LARP1: variants seen among roughly 807,000 people sequenced by gnomAD.
LARP1 encodes La ribonucleoprotein 1, translational regulator.
A neutral mutation model predicts 122.7 loss-of-function variants in LARP1; 36 were observed. That is an observed-to-expected ratio of 0.29 (90% CI 0.22 to 0.39). The LOEUF (loss-of-function observed/expected upper bound fraction) is 0.39, where lower values mean the gene tolerates loss of function less well. Among genes scored for constraint, LARP1 ranks in the 10% least tolerant of loss-of-function variants. The pLI is 1.00. For missense variants in LARP1, 1,040 were observed against 1,403.6 expected (o/e 0.74, Z 4.14); for synonymous variants, 539 against 528.7 (o/e 1.02, Z -0.27).
At chr5:154,756,624 A>C (rs1753939559) in intron 1 of LARP1, 1 of 509,488 alleles carries the variant, frequency 2.0e-6, no homozygotes, top group African/African-American at 2.1e-5. Flanking sequence ...CCCATGTTGT[A>C]AATGTTTAAT....
At chr5:154,689,440 A>C (rs1754088378) in intron 1 of LARP1, among the ~76,000 whole-genome samples, 2 of 151,152 alleles carry the variant, frequency 1.3e-5, no homozygotes, top group Non-Finnish European at 3.0e-5. Context: ...GACAGTGTGA[A>C]ACTCTGTCTC....
intron 8 of LARP1, among the ~76,000 whole-genome samples, chr5:154,798,768 A>G (rs938816552): frequency 2.3e-4 from 35 of 152,344 alleles, no homozygotes; most frequent in African/African-American, 7.7e-4. Context: ...TGTTGGGATT[A>G]CAGGTGTGAG....
intron 1 of LARP1, among the ~76,000 whole-genome samples, chr5:154,765,657 G>T (rs1238425218): frequency 1.3e-5 from 2 of 152,144 alleles, no homozygotes; most frequent in Non-Finnish European, 2.9e-5. Flanking sequence ...GTTTCCCAAA[G>T]TGCCAGGATT....
intron 2 of LARP1, 69 bp downstream of exon 2, chr5:154,790,455 A>G (rs1288720742): frequency 2.0e-6 from 3 of 1,463,922 alleles, no homozygotes; most frequent in Non-Finnish European, 2.9e-6. Context: ...GTTTTAGTGA[A>G]TGCTCCTGGA....
At chr5:154,792,005 G>A (rs1307098345) in intron 3 of LARP1, 1 of 455,650 alleles carries the variant, frequency 2.2e-6, no homozygotes, top group Admixed American at 2.3e-5. Flanking sequence ...AGTGGGGATT[G>A]GAAGTCAGGT....
At chr5:154,729,660 C>G in intron 1 of LARP1, 1 of 376,618 alleles carries the variant, frequency 2.7e-6, no homozygotes. Flanking sequence ...GGAGCCTGAG[C>G]TGCTGGAATC....
chr5:154,703,919 C>G (rs977221130), intron 1 of LARP1, among the ~76,000 whole-genome samples: 2 of 152,078 alleles, frequency 1.3e-5, no homozygotes, highest in African/African-American at 4.8e-5. Context: ...CCGCGCCCAG[C>G]CAAAATTTTT....
intron 1 of LARP1, among the ~76,000 whole-genome samples, chr5:154,739,953 C>A (rs1757130625): frequency 6.6e-6 from 1 of 151,738 alleles, no homozygotes; most frequent in Non-Finnish European, 1.5e-5. Context: ...AATCCCAGCA[C>A]TTCAGGAGGC....
At chr5:154,809,130 G>A (rs1192376630) in intron 16 of LARP1, among the ~76,000 whole-genome samples, 1 of 151,816 alleles carries the variant, frequency 6.6e-6, no homozygotes, top group East Asian at 1.9e-4. Flanking sequence ...CCTATTAGTG[G>A]ATACTTAGGT....
chr5:154,731,801 G>A (rs753278887), intron 1 of LARP1, among the ~76,000 whole-genome samples: 2 of 151,832 alleles, frequency 1.3e-5, no homozygotes, highest in Admixed American at 6.6e-5. Flanking sequence ...AGGCTGAGGC[G>A]GGCAGATCAC....
At chr5:154,762,443 G>A (rs1363747347) in intron 1 of LARP1, among the ~76,000 whole-genome samples, 3 of 152,174 alleles carry the variant, frequency 2.0e-5, no homozygotes, top group Non-Finnish European at 4.4e-5. Flanking sequence ...TAGTTACCAG[G>A]GGCAAGTGGC....
At chr5:154,717,874 TACACAC>T (rs140858107) in intron 1 of LARP1, among the ~76,000 whole-genome samples, 8 of 150,864 alleles carry the variant, frequency 5.3e-5, no homozygotes, top group African/African-American at 1.9e-4. Flanking sequence ...CTGACACATA[TACACAC>T]ACACACACAC....
chr5:154,757,531 C>T (rs1360315560), intron 1 of LARP1, among the ~76,000 whole-genome samples: 1 of 151,894 alleles, frequency 6.6e-6, no homozygotes, highest in Non-Finnish European at 1.5e-5. Flanking sequence ...GGCCTCTGGT[C>T]GTAGCCCTGG....
rs1417538632 is a variant in LARP1 at position 154,756,112 on chromosome 5, G to A, written c.355G>A (p.Ala119Thr). 1.6e-6 allele frequency: 2 copies of A among 1,219,550 alleles called. No homozygotes were observed. Among genetic ancestry groups the A allele is most frequent in the South Asian group, 1.5e-5 (1 of 68,868 alleles). The allele number at this position is 1,219,550 out of a possible 1,614,324, so 75.5% of individuals were successfully genotyped here. ...AGAGRRDFVE[A>T]PPPKVNPWTK... ...CGCGGGGCGCCGGGACTTCGTGGAA[G>A]CCCCCCCGCCCAAGGTGAACCCGTG... The change falls in exon 1 of 19, where the codon GCC (alanine) becomes ACC (threonine). Residue 119 changes from alanine to threonine, a missense_variant. Transcript: ENST00000518297.
intron 1 of LARP1, among the ~76,000 whole-genome samples, chr5:154,775,170 A>G (rs1251809256): frequency 1.3e-5 from 2 of 152,136 alleles, no homozygotes; most frequent in Admixed American, 6.5e-5. Context: ...TGGGTGTCCC[A>G]GCTAATTTAG....
intron 1 of LARP1, among the ~76,000 whole-genome samples, chr5:154,693,638 G>A (rs1482622624): frequency 1.3e-5 from 2 of 151,974 alleles, no homozygotes; most frequent in South Asian, 2.1e-4. Context: ...GGCGGATCAC[G>A]AGGTCAGGAG....
chr5:154,737,436 C>CTTTTTTTTTTTT (rs10526758), intron 1 of LARP1, among the ~76,000 whole-genome samples: 3 of 95,312 alleles, frequency 3.1e-5, no homozygotes, highest in African/African-American at 8.9e-5. Context: ...GAATTTTTCT[C>CTTTTTTTTTTTT]TTTTTTTTTT....
intron 8 of LARP1, among the ~76,000 whole-genome samples, chr5:154,799,089 C>T (rs911962161): frequency 1.3e-5 from 2 of 152,194 alleles, no homozygotes; most frequent in African/African-American, 4.8e-5. Context: ...GTCTCAATCT[C>T]TTGACCTTGT....
chr5:154,799,556 C>A (rs928823565), intron 8 of LARP1, 35 bp from the exon 9 acceptor site: 1 of 1,605,504 alleles, frequency 6.2e-7, no homozygotes, highest in African/African-American at 1.3e-5. Flanking sequence ...CCAAGATTTT[C>A]TTCTTAATCC....
Sources: allele counts gnomAD v4.1 joint callset (sites outside exome capture counted in the v4.1 genomes callset), GRCh38; gene constraint gnomAD v4.1.1; transcripts MANE v1.5; gene names NCBI Gene and HGNC (gene_info 2026-07-23, HGNC 2026-07-21).